Variants in SMAGP observed in about 807,000 individuals in gnomAD.
The protein encoded by SMAGP is small cell adhesion glycoprotein.
SMAGP carries 7 observed loss-of-function variants against 10.1 expected under a neutral mutation model. The observed-to-expected ratio is 0.70, with a 90% confidence interval of 0.40 to 1.31. The LOEUF is 1.31. SMAGP is among the 50% of genes most tolerant of loss of function. SMAGP has a pLI of 0.01. For synonymous variants in SMAGP, 49 were observed against 47.2 expected, an observed-to-expected ratio of 1.04 and a Z score of -0.16; for missense variants, 113 against 116.5, an observed-to-expected ratio of 0.97 and a Z score of 0.14.
intron 2 of SMAGP, among the ~76,000 whole-genome samples, chr12:51,256,231 G>A (rs1944883410): frequency 6.6e-6 from 1 of 152,058 alleles, no homozygotes; most frequent in Admixed American, 6.6e-5. Flanking sequence ...TAAGCCTGCA[G>A]GGGGAACAAA....
chr12:51,268,490 T>G (rs922548369), intron 2 of SMAGP, among the ~76,000 whole-genome samples: 13 of 152,222 alleles, frequency 8.5e-5, no homozygotes, highest in Non-Finnish European at 2.9e-5. Flanking sequence ...CTACATTCTT[T>G]GCCATAGCTA....
intron 2 of SMAGP, among the ~76,000 whole-genome samples, chr12:51,248,194 A>G (rs1944798026): frequency 6.6e-6 from 1 of 152,104 alleles, no homozygotes; most frequent in Non-Finnish European, 1.5e-5. Flanking sequence ...AAGAGGGGCC[A>G]AGAGTGTTGA....
intron 1 of SMAGP, 134 bp downstream of exon 1, chr12:51,270,122 C>A (rs1592239675): frequency 6.6e-6 from 1 of 152,074 alleles, no homozygotes; most frequent in Non-Finnish European, 1.5e-5. Flanking sequence ...CGTTCCCAGC[C>A]GCCGCGACCC....
At chr12:51,247,170 G>A (rs906592357) in intron 2 of SMAGP, among the ~76,000 whole-genome samples, 2 of 152,156 alleles carry the variant, frequency 1.3e-5, no homozygotes, top group Non-Finnish European at 2.9e-5. Flanking sequence ...ATGGAGGTAA[G>A]AGTACCTACT....
intron 2 of SMAGP, among the ~76,000 whole-genome samples, chr12:51,268,376 C>A: frequency 6.6e-6 from 1 of 151,756 alleles, no homozygotes; most frequent in East Asian, 1.9e-4. Flanking sequence ...ATGATGAAAC[C>A]GGAGCTTAGA....
intron 2 of SMAGP, among the ~76,000 whole-genome samples, chr12:51,265,860 A>T (rs1944969030): frequency 6.6e-6 from 1 of 152,180 alleles, no homozygotes; most frequent in Non-Finnish European, 1.5e-5. Flanking sequence ...AGGTGGGCGG[A>T]TCACGAGGTC....
chr12:51,265,235 A>G (rs1944964340), intron 2 of SMAGP, among the ~76,000 whole-genome samples: 1 of 152,348 alleles, frequency 6.6e-6, no homozygotes, highest in South Asian at 2.1e-4. Flanking sequence ...GCAAGGTTGT[A>G]GAGAAACTGA....
At chr12:51,247,549 A>T (rs1944789448) in intron 2 of SMAGP, among the ~76,000 whole-genome samples, 1 of 152,176 alleles carries the variant, frequency 6.6e-6, no homozygotes. Context: ...CCAGGGACAG[A>T]ACATGACAAA....
At chr12:51,254,278 G>A (rs1486638347) in intron 2 of SMAGP, among the ~76,000 whole-genome samples, 2 of 152,206 alleles carry the variant, frequency 1.3e-5, no homozygotes, top group Admixed American at 1.3e-4. Flanking sequence ...GCCGGGCGCG[G>A]TGGCTCATGC....
chr12:51,266,718 G>T (rs1944978026), intron 2 of SMAGP, among the ~76,000 whole-genome samples: 2 of 152,132 alleles, frequency 1.3e-5, no homozygotes, highest in South Asian at 4.1e-4. Flanking sequence ...CATCCACTGG[G>T]GTTTTTGGAA....
intron 2 of SMAGP, among the ~76,000 whole-genome samples, chr12:51,262,842 T>G (rs150637196): frequency 1.3e-3 from 195 of 152,336 alleles, no homozygotes; most frequent in Non-Finnish European, 2.4e-3. Context: ...CACCTAAGTC[T>G]GCCAGCCTAC....
At chr12:51,267,354 G>A (rs1043643747) in intron 2 of SMAGP, among the ~76,000 whole-genome samples, 2 of 151,800 alleles carry the variant, frequency 1.3e-5, no homozygotes, top group Non-Finnish European at 2.9e-5. Context: ...GGTATTCTAC[G>A]TTTCTCTAAG....
intron 2 of SMAGP, among the ~76,000 whole-genome samples, chr12:51,268,585 T>TTCCTCCC (rs1491112092): frequency 6.8e-5 from 7 of 102,208 alleles, no homozygotes; most frequent in South Asian, 5.0e-4. Flanking sequence ...TTCCTTTCCT[T>TTCCTCCC]TCCTCCCTCC....
intron 2 of SMAGP, among the ~76,000 whole-genome samples, chr12:51,257,158 T>C (rs1236467400): frequency 2.0e-5 from 3 of 152,148 alleles, no homozygotes; most frequent in Non-Finnish European, 4.4e-5. Flanking sequence ...GTTTTTCTGA[T>C]GGGAGAAATG....
At chr12:51,247,001 AACCACC>A (rs1944782484) in intron 2 of SMAGP, among the ~76,000 whole-genome samples, 170 bp from the exon 3 acceptor site, 1 of 152,194 alleles carries the variant, frequency 6.6e-6, no homozygotes, top group Non-Finnish European at 1.5e-5. Context: ...GAAGAAAATA[AACCACC>A]ACCCAAAGAC....
chr12:51,245,765 T>C lies in SMAGP; in HGVS notation c.*176A>G. On this transcript the variant is annotated 3_prime_UTR_variant, in exon 4 of 4. Coordinates refer to ENST00000603798, the MANE Select transcript of SMAGP (RefSeq NM_001031628.2). ...AAGATATCATAAACAGCTTTCTCCA[T>C]GTCCCTGGTCCCTGGAGTCAGTGAT... 4.7e-6 allele frequency: 3 copies of C among 632,580 alleles called. No homozygotes were observed. The highest frequency in any genetic ancestry group is 8.1e-6 in the Non-Finnish European group (3 of 370,230). The allele number at this position is 632,580 out of a possible 1,614,324, so 39.2% of individuals were successfully genotyped here. A position where few individuals can be genotyped will look rare whatever the true frequency, so the allele number is the denominator to read the frequency against.
intron 2 of SMAGP, 99 bp downstream of exon 2, chr12:51,269,145 TG>T: frequency 7.7e-7 from 1 of 1,293,328 alleles, no homozygotes; most frequent in Non-Finnish European, 1.1e-6. Flanking sequence ...CAGAGAGAGG[TG>T]GGAGTCTTCC....
In SMAGP at chr12:51,246,733, T is replaced by G; in HGVS notation, c.115+18A>C. On this transcript the variant is annotated intron_variant, in intron 3 of 3. Coordinates refer to ENST00000603798, the MANE Select transcript of SMAGP (RefSeq NM_001031628.2). ...CTTGATCCAGAAGGTCCCTTGGAGT[T>G]GGCTCAGAGTCTATTACCTGCAATG... 1 of 1,542,246 alleles carries G rather than the reference T, an allele frequency of 6.5e-7. No homozygotes were observed. Among genetic ancestry groups the G allele is most frequent in the Non-Finnish European group, 8.7e-7 (1 of 1,143,774 alleles).
intron 2 of SMAGP, among the ~76,000 whole-genome samples, chr12:51,264,788 C>T (rs1385661118): frequency 6.6e-6 from 1 of 151,522 alleles, no homozygotes; most frequent in Non-Finnish European, 1.5e-5. Context: ...AAAAATTAGC[C>T]GGGTGTGGCA....
Sources: allele counts gnomAD v4.1 joint callset (sites outside exome capture counted in the v4.1 genomes callset), GRCh38; gene constraint gnomAD v4.1.1; transcripts MANE v1.5; gene names NCBI Gene and HGNC (gene_info 2026-07-23, HGNC 2026-07-21).